The following TAF1B variants were observed in gnomAD, a reference collection of about 807,000 sequenced individuals.
The protein encoded by TAF1B is TATA-box binding protein associated factor, RNA polymerase I subunit B.
In TAF1B, 61 loss-of-function variants were observed where a neutral mutation model predicts 83.9. That is an observed-to-expected ratio of 0.73 (90% CI 0.59 to 0.90). The LOEUF (loss-of-function observed/expected upper bound fraction) is 0.90. Among genes scored for constraint, TAF1B ranks in the 40% least tolerant of loss-of-function variants. TAF1B has a pLI of 0.00. For synonymous variants in TAF1B, 221 were observed against 224.6 expected (o/e 0.98, Z 0.14); for missense variants, 625 against 677.0 (o/e 0.92, Z 0.85).
At chr2:9,889,268 C>G (rs1664790385) in intron 8 of TAF1B, among the ~76,000 whole-genome samples, 2 of 151,892 alleles carry the variant, frequency 1.3e-5, no homozygotes, top group South Asian at 4.1e-4. Flanking sequence ...CTCCCTGAGG[C>G]TTTTCCTTTT....
In TAF1B at chr2:9,852,675, A is replaced by G. The variant is rs529572242; in HGVS notation, c.303+1037A>G. Among the ~76,000 whole-genome samples, 15 of 152,232 alleles carry G rather than the reference A, an allele frequency of 9.9e-5. No homozygotes were observed. In the East Asian group the frequency reaches 2.3e-3, roughly 24 times the overall value. Reference sequence around the variant, plus strand: ...CCCAGCTAATTTTTTCTATTTTAGTATAGATGGGGTTTCACCATGTTGCTC... The same window carrying G: ...CCCAGCTAATTTTTTCTATTTTAGTGTAGATGGGGTTTCACCATGTTGCTC... On this transcript the variant is annotated intron_variant, in intron 4 of 14. Transcript: ENST00000263663.
At chr2:9,908,007 G>A (rs958911288) in intron 9 of TAF1B, among the ~76,000 whole-genome samples, 4 of 146,926 alleles carry the variant, frequency 2.7e-5, no homozygotes, top group African/African-American at 1.0e-4. Flanking sequence ...GGCATAAGCG[G>A]AGCAGTTCAA....
intron 14 of TAF1B, among the ~76,000 whole-genome samples, chr2:9,925,298 G>A (rs1036023515): frequency 2.0e-5 from 3 of 151,726 alleles, no homozygotes; most frequent in Non-Finnish European, 4.4e-5. Flanking sequence ...AAATTAGCCG[G>A]GCATGGTGGT....
intron 8 of TAF1B, among the ~76,000 whole-genome samples, chr2:9,896,625 A>AGC: frequency 7.4e-6 from 1 of 135,222 alleles, no homozygotes; most frequent in South Asian, 2.4e-4. Context: ...AAAACCAAAA[A>AGC]AAAAAAAAAA....
chr2:9,919,906 C>A, intron 14 of TAF1B, 86 bp downstream of exon 14: 1 of 1,307,572 alleles, frequency 7.6e-7, no homozygotes, highest in Non-Finnish European at 1.1e-6. Flanking sequence ...GAATTAGAAG[C>A]TGGTGAGCTT....
intron 7 of TAF1B, 128 bp downstream of exon 7, chr2:9,876,146 C>A: frequency 1.1e-6 from 1 of 884,974 alleles, no homozygotes; most frequent in Non-Finnish European, 1.6e-6. Context: ...GTTGAGTAGC[C>A]TGAATTCTAA....
In TAF1B at chr2:9,933,793, CAT is replaced by C. The variant is rs779563731; in HGVS notation, c.1577_1578del (p.His526ArgfsTer5). 1.7e-5 allele frequency: 28 copies of C among 1,610,806 alleles called. No individual in the cohort carries two copies. The highest frequency in any genetic ancestry group is 2.0e-5 in the Non-Finnish European group (24 of 1,178,932). ...CTTTTTCCCTTCTAGCTATTGTACA[CAT>C]GTGACAACCTATGAAGAATCAAATT... Reference protein sequence around the residue: ...TQKFCRCYCTHVTTYEESNYS... With the variant: ...TQKFCRCYCTXVTTYEESNYS... On this transcript the variant is annotated frameshift_variant, in exon 15 of 15. Coordinates refer to ENST00000263663, the MANE Select transcript of TAF1B (RefSeq NM_005680.3). LOFTEE classifies it high-confidence loss of function.
intron 5 of TAF1B, among the ~76,000 whole-genome samples, chr2:9,859,153 CA>C (rs1355219583): frequency 6.6e-6 from 1 of 151,596 alleles, no homozygotes; most frequent in Non-Finnish European, 1.5e-5. Flanking sequence ...TGAATGCTTT[CA>C]GGATCAGCCA....
chr2:9,905,337 C>T (rs1665308436), intron 9 of TAF1B, among the ~76,000 whole-genome samples: 2 of 152,130 alleles, frequency 1.3e-5, no homozygotes, highest in Admixed American at 6.5e-5. Context: ...GACCTGTCCT[C>T]CATCCCAAAA....
chr2:9,919,215 A>C, intron 13 of TAF1B, 104 bp downstream of exon 13: 3 of 944,496 alleles, frequency 3.2e-6, no homozygotes, highest in Non-Finnish European at 4.9e-6. Context: ...TACTTTTTTT[A>C]AACAAATGTT....
At chr2:9,905,289 C>T (rs761296675) in intron 9 of TAF1B, among the ~76,000 whole-genome samples, 1 of 152,094 alleles carries the variant, frequency 6.6e-6, no homozygotes, top group Non-Finnish European at 1.5e-5. Context: ...TTGCTAAGTG[C>T]AAGTAAAGTA....
At position 9,914,477 on chromosome 2, in the gene TAF1B, G is replaced by A. The variant is rs764940855; in HGVS notation, c.1271+1228G>A. 3.9e-5 allele frequency among the ~76,000 whole-genome samples: 6 copies of A among 152,152 alleles called. No homozygotes were observed. The highest frequency in any genetic ancestry group is 7.4e-5 in the Non-Finnish European group (5 of 67,992). ...GGTGCTAGCTGGGGTTAGTCCTGAC[G>A]GATCCTAAGGACTGGGTGCCTAGGG... On this transcript the variant is annotated intron_variant, in intron 12 of 14. Coordinates refer to ENST00000263663, the MANE Select transcript of TAF1B (RefSeq NM_005680.3). This position sits in a 1 kb window ranked among gnomAD's most constrained non-coding sequence, Gnocchi z 4.3.
chr2:9,889,072 G>A (rs951750176), intron 8 of TAF1B, among the ~76,000 whole-genome samples: 4 of 151,708 alleles, frequency 2.6e-5, no homozygotes, highest in Non-Finnish European at 4.4e-5. Context: ...AGAGTGCTGG[G>A]ATTACGGGTG....
chr2:9,930,242 T>A (rs1274191319), intron 14 of TAF1B, among the ~76,000 whole-genome samples: 1 of 152,192 alleles, frequency 6.6e-6, no homozygotes, highest in Non-Finnish European at 1.5e-5. Context: ...TTGCTCATGC[T>A]TCTCTAGTTC....
intron 12 of TAF1B, 114 bp downstream of exon 12, chr2:9,913,363 C>A: frequency 1.3e-6 from 1 of 771,388 alleles, no homozygotes; most frequent in Non-Finnish European, 2.1e-6. Flanking sequence ...ACTTTTTTTT[C>A]TGGAAATATT....
At chr2:9,909,992 C>A (rs1032547929) in intron 9 of TAF1B, among the ~76,000 whole-genome samples, 4 of 152,108 alleles carry the variant, frequency 2.6e-5, no homozygotes, top group African/African-American at 9.7e-5. Context: ...TCCATGCAAG[C>A]TCATTATCTC....
At chr2:9,930,526 G>A (rs553420504) in intron 14 of TAF1B, among the ~76,000 whole-genome samples, 1 of 152,338 alleles carries the variant, frequency 6.6e-6, no homozygotes, top group South Asian at 2.1e-4. Context: ...TGTGGTCTGA[G>A]AGACCATTTG....
At chr2:9,926,882 T>TTA (rs1553294658) in intron 14 of TAF1B, among the ~76,000 whole-genome samples, 5 of 151,980 alleles carry the variant, frequency 3.3e-5, no homozygotes, top group South Asian at 2.1e-4. Flanking sequence ...AACTTTTTTT[T>TTA]TATATATATA....
At chr2:9,890,371 A>C (rs1664832863) in intron 8 of TAF1B, among the ~76,000 whole-genome samples, 1 of 152,132 alleles carries the variant, frequency 6.6e-6, no homozygotes, top group Non-Finnish European at 1.5e-5. Context: ...CCAAATACTA[A>C]TTTTTAGACA....
Sources: allele counts gnomAD v4.1 joint callset (sites outside exome capture counted in the v4.1 genomes callset), GRCh38; gene constraint gnomAD v4.1.1; non-coding constraint Gnocchi (gnomAD v3.1); transcripts MANE v1.5; gene names NCBI Gene and HGNC (gene_info 2026-07-23, HGNC 2026-07-21).